LUC7L: variants seen among roughly 807,000 people sequenced by gnomAD.
The protein encoded by LUC7L is putative RNA-binding protein Luc7-like 1.
Under a neutral mutation model 51.1 loss-of-function variants are expected in LUC7L, and 29 were observed. The observed-to-expected ratio is 0.57, with a 90% CI of 0.42 to 0.77. LUC7L has a LOEUF of 0.77. Among genes scored for constraint, LUC7L ranks in the 30% least tolerant of loss-of-function variants. The probability of loss-of-function intolerance (pLI) is 0.00; values close to 1 mark genes in which losing one functional copy is unlikely to be tolerated. For synonymous variants in LUC7L, 181 were observed against 180.7 expected (o/e 1.00, Z -0.01); for missense variants, 403 against 511.9 (o/e 0.79, Z 2.05).
At chr16:214,709 G>A (rs1167782175) in intron 3 of LUC7L, among the ~76,000 whole-genome samples, 3 of 151,960 alleles carry the variant, frequency 2.0e-5, no homozygotes, top group African/African-American at 7.3e-5. Flanking sequence ...TTGGTATTTT[G>A]TGTACAGACA....
At chr16:200,932 C>T (rs1217070683) in intron 5 of LUC7L, among the ~76,000 whole-genome samples, 2 of 151,892 alleles carry the variant, frequency 1.3e-5, no homozygotes, top group East Asian at 3.9e-4. Context: ...CACCTGCAAT[C>T]CCAGCACTTT....
chr16:189,254 A>G lies in LUC7L; in HGVS notation c.1060T>C (p.Ser354Pro). Residue 354 changes from serine (S) to proline (P), a missense_variant, in exon 10 of 10, where the codon TCC (serine) becomes CCC (proline). Ser to Pro is a moderately conservative substitution (Grantham distance 74, BLOSUM62 -1). This residue lies in a region of LUC7L where 206 missense variants were observed against 218.3 expected (regional missense o/e 0.94). Coordinates refer to ENST00000293872, the MANE Select transcript of LUC7L (RefSeq NM_201412.3). ...RGPPDWRLES[S>P]NGKMASRRSE... ...CTCCGTGAAGCCATCTTCCCGTTGG[A>G]GCTCTCAAGCCTCCAGTCCGGGGGC... 1 of 1,613,786 alleles carries G rather than the reference A, an allele frequency of 6.2e-7. No homozygotes were observed. Among genetic ancestry groups the G allele is most frequent in the East Asian group, 2.2e-5 (1 of 44,872 alleles).
chr16:189,875 C>G, intron 9 of LUC7L, 93 bp downstream of exon 9: 2 of 1,531,888 alleles, frequency 1.3e-6, no homozygotes, highest in Non-Finnish European at 1.8e-6. Flanking sequence ...GAGCCCAGCC[C>G]CATCCCCACC....
chr16:229,208 G>C, intron 1 of LUC7L, 71 bp downstream of exon 1: 3 of 1,506,602 alleles, frequency 2.0e-6, no homozygotes, highest in Non-Finnish European at 2.6e-6. Context: ...CGCGGCCCCC[G>C]CCTCAGGCCG....
Position 229,443 on chromosome 16 carries a change from G to C in LUC7L, c.-104C>G, listed in dbSNP as rs993530600. On this transcript the variant is annotated 5_prime_UTR_variant, in exon 1 of 10. Transcript: ENST00000293872. The stretch of plus-strand genomic sequence containing the variant: ...GTCGCGTCGGCCTCGAGCCCACTCG[G>C]CTCTTTCCCGCCGCGGGGGACGCCG... 3 of 1,008,150 alleles carry C rather than the reference G, an allele frequency of 3.0e-6. No individual in the cohort carries two copies. Among genetic ancestry groups the C allele is most frequent in the Admixed American group, 3.8e-5 (1 of 26,590 alleles). The allele number at this position is 1,008,150 out of a possible 1,614,324, so 62.5% of individuals were successfully genotyped here. A position where few individuals can be genotyped will look rare whatever the true frequency, so the allele number is the denominator to read the frequency against.
In LUC7L at chr16:189,033, C is replaced by A. The variant is rs999526962; in HGVS notation, c.*165G>T. 8.1e-6 allele frequency: 6 copies of A among 743,582 alleles called. No individual in the cohort carries two copies. The African/African-American group carries it at 8.7e-5, about 11-fold the overall frequency. 46.1% of individuals were successfully genotyped at this position (743,582 alleles called of 1,614,324 possible). On this transcript the variant is annotated 3_prime_UTR_variant, in exon 10 of 10. Transcript: ENST00000293872. Reference sequence around the variant, plus strand: ...TTTATTTATTCCTACTCAACATGACCCGGGAACACAGGAGCAACTCTGTAC... The same window carrying A: ...TTTATTTATTCCTACTCAACATGACACGGGAACACAGGAGCAACTCTGTAC...
Position 208,181 on chromosome 16 carries a change from T to C in LUC7L, c.263A>G (p.Asp88Gly). ...RDLFFELDAM[D>G]HLESFIAECD... ...TTCAGCAATAAAGGACTCCAAGTGA[T>C]CCATTGCCTAGCACGGGAAAAGCAC... Residue 88 changes from aspartate (D) to glycine (G), a missense_variant, in exon 4 of 10, where the codon GAT becomes GGT. Coordinates refer to ENST00000293872, the MANE Select transcript of LUC7L (RefSeq NM_201412.3). The C allele has an allele frequency of 1.9e-6, 3 of 1,610,210 alleles. No homozygotes were observed. The highest frequency in any genetic ancestry group is 2.2e-5 in the East Asian group (1 of 44,852).
In LUC7L at chr16:208,163, A is replaced by G. The variant is rs767016442; in HGVS notation, c.281T>C (p.Ile94Thr). The change falls in exon 4 of 10, where the codon ATT becomes ACT. Residue 94 changes from isoleucine (I) to threonine (T), a missense_variant. Transcript: ENST00000293872. The stretch of plus-strand genomic sequence containing the variant: ...CTCAGTTCTCCGATCACATTCAGCA[A>G]TAAAGGACTCCAAGTGATCCATTGC... ...LDAMDHLESF[I>T]AECDRRTELA... is the part of the protein sequence containing the mutation. 1.1e-5 allele frequency: 18 copies of G among 1,613,386 alleles called. No homozygotes were observed. In the Admixed American group the frequency reaches 1.8e-4, roughly 16 times the overall value.
chr16:189,036 G>T lies in LUC7L; in HGVS notation c.*162C>A. ...ATTTATTCCTACTCAACATGACCCG[G>T]GAACACAGGAGCAACTCTGTACACT... On this transcript the variant is annotated 3_prime_UTR_variant, in exon 10 of 10. Coordinates refer to ENST00000293872, the MANE Select transcript of LUC7L (RefSeq NM_201412.3). The T allele has an allele frequency of 1.3e-6, 1 of 760,682 alleles. No homozygotes were observed. The highest frequency in any genetic ancestry group is 2.5e-5 in the East Asian group (1 of 39,566). 47.1% of individuals were successfully genotyped at this position (760,682 alleles called of 1,614,324 possible).
At chr16:228,173 G>C (rs768194768) in intron 1 of LUC7L, 19 of 1,247,712 alleles carry the variant, frequency 1.5e-5, no homozygotes, top group Non-Finnish European at 1.9e-5. Flanking sequence ...GCTGTGCAAC[G>C]CTAGAGGAGG....
intron 2 of LUC7L, among the ~76,000 whole-genome samples, chr16:225,579 C>A (rs1470360983): frequency 6.8e-6 from 1 of 147,038 alleles, no homozygotes; most frequent in African/African-American, 2.5e-5. Flanking sequence ...CTCTGCCTCG[C>A]GGGTTCAAGT....
In LUC7L at chr16:189,316, C is replaced by T. The variant is rs1016096726; in HGVS notation, c.998G>A (p.Arg333Lys). The T allele has an allele frequency of 1.9e-6, 3 of 1,612,218 alleles. No homozygotes were observed. The highest frequency in any genetic ancestry group is 1.6e-4 in the Middle Eastern group (1 of 6,078). ...KYKFSRERASREESWESGRSE... is the reference protein window; with the variant it reads ...KYKFSRERASKEESWESGRSE... Reference sequence around the variant, plus strand: ...CCGCCCGCTCTCCCAGGACTCCTCTCTGGATGCCCGCTCTCTGGAGAACCT... The same window carrying T: ...CCGCCCGCTCTCCCAGGACTCCTCTTTGGATGCCCGCTCTCTGGAGAACCT... The change falls in exon 10 of 10, where the codon AGA becomes AAA. Residue 333 changes from arginine (R) to lysine (K), a missense_variant. By Grantham distance (26) the Arg-to-Lys change is conservative. Transcript: ENST00000293872.
chr16:189,465 C>G (rs1288067024), intron 9 of LUC7L, 126 bp from the exon 10 acceptor site: 33 of 1,428,522 alleles, frequency 2.3e-5, no homozygotes, highest in Non-Finnish European at 2.9e-5. Flanking sequence ...CTGGAAACCC[C>G]CCGGAGGCCA....
chr16:191,487 T>C (rs2049007823), intron 7 of LUC7L, among the ~76,000 whole-genome samples: 1 of 152,212 alleles, frequency 6.6e-6, no homozygotes, highest in African/African-American at 2.4e-5. Flanking sequence ...AAATGGATTG[T>C]GTGTTTTGCT....
rs372591235 is a variant in LUC7L, at chr16:220,675, C to T, written c.229G>A (p.Glu77Lys). Residue 77 changes from glutamate to lysine, a missense_variant, in exon 3 of 10, where the codon GAA becomes AAA. Glu to Lys is a moderately conservative substitution (Grantham distance 56). Around this residue, in one of 3 missense-constraint regions of LUC7L, gnomAD observed 182 missense variants for 248.4 expected, o/e 0.73. Transcript: ENST00000293872. The part of the protein sequence containing the change: ...LRADYEIASK[E>K]RDLFFELDAM... ...TCTAATTCAAAAAACAGGTCTCTTT[C>T]TTTACTTGCAATCTCATAATCTGCT... 2.7e-4 allele frequency: 438 copies of T among 1,613,796 alleles called. No homozygotes were observed. The highest frequency in any genetic ancestry group is 3.5e-4 in the Non-Finnish European group (411 of 1,179,792).
chr16:194,810 CACCGGGCACCG>C (rs540095746), intron 6 of LUC7L, among the ~76,000 whole-genome samples: 1 of 152,142 alleles, frequency 6.6e-6, no homozygotes, highest in Non-Finnish European at 1.5e-5. Flanking sequence ...AGTGGAAAAG[CACCGGGCACCG>C]TTCTGTATAC....
rs764152034 is a variant in LUC7L, at chr16:229,374, G to A, written c.-35C>T. 3 of 1,483,706 alleles carry A rather than the reference G, an allele frequency of 2.0e-6. No homozygotes were observed. In the South Asian group the frequency reaches 3.8e-5, roughly 19 times the overall value. 91.9% of individuals were successfully genotyped at this position (1,483,706 alleles called of 1,614,324 possible). A position where few individuals can be genotyped will look rare whatever the true frequency, so the allele number is the denominator to read the frequency against. On this transcript the variant is annotated 5_prime_UTR_variant, in exon 1 of 10. Coordinates refer to ENST00000293872, the MANE Select transcript of LUC7L (RefSeq NM_201412.3). ...CGGAGGCGACGGGGTCGGCCGCGAC[G>A]ACTTCTCTCAGGCAGGCGGTGGCAG...
At chr16:189,817 C>A (rs938355658) in intron 9 of LUC7L, 151 bp downstream of exon 9, 1 of 1,440,862 alleles carries the variant, frequency 6.9e-7, no homozygotes, top group Non-Finnish European at 9.1e-7. Flanking sequence ...CTCGCCTCTT[C>A]CCACACCTGA....
intron 6 of LUC7L, among the ~76,000 whole-genome samples, chr16:193,404 C>CA (rs2049063533): frequency 6.6e-6 from 1 of 152,076 alleles, no homozygotes; most frequent in Admixed American, 6.5e-5. Context: ...CTCAGCCTCC[C>CA]AAAGTGCTGG....
Sources: allele counts gnomAD v4.1 joint callset (sites outside exome capture counted in the v4.1 genomes callset), GRCh38; gene constraint gnomAD v4.1.1; regional missense constraint gnomAD v4.1.1; transcripts MANE v1.5; gene names NCBI Gene and HGNC (gene_info 2026-07-23, HGNC 2026-07-21).